Variants in ENKUR observed in about 807,000 individuals in gnomAD.
ENKUR encodes enkurin.
ENKUR carries 19 observed loss-of-function variants against 27.6 expected under a neutral mutation model. The observed-to-expected ratio is 0.69, with a 90% CI of 0.48 to 1.01. The LOEUF is 1.01. Ranked by LOEUF, ENKUR falls within the 50% of genes least tolerant of loss-of-function variation. ENKUR has a pLI of 0.00. For missense variants in ENKUR, 312 were observed against 310.5 expected (o/e 1.00, Z -0.04); for synonymous variants, 117 against 96.9 (o/e 1.21, Z -1.22).
At chr10:25,018,666 T>TG (rs1362571035), upstream of ENKUR, among the ~76,000 whole-genome samples, 1 of 151,150 alleles carries the variant, frequency 6.6e-6, no homozygotes, top group Admixed American at 6.6e-5. Context: ...GTTGTTTTTT[T>TG]TTTTTTTTTT....
intron 2 of ENKUR, among the ~76,000 whole-genome samples, chr10:25,059,847 G>T (rs971197190): frequency 6.6e-6 from 1 of 152,134 alleles, no homozygotes; most frequent in Non-Finnish European, 1.5e-5. Context: ...AAGAAGGAAA[G>T]AAATTACATT....
Position 24,999,390 on chromosome 10 carries a change from A to G in ENKUR, c.223+11T>C, listed in dbSNP as rs1382354392. ...CTTTTAATATTAAAAATAAAGCATG[A>G]TAAAACCTACTGGGTGGTAGAGTTT... On this transcript the variant is annotated intron_variant, in intron 2 of 5. Coordinates refer to ENST00000331161, the MANE Select transcript of ENKUR (RefSeq NM_145010.4). 4.4e-6 allele frequency: 7 copies of G among 1,590,044 alleles called. 1 individual carries two copies. In the Middle Eastern group the frequency reaches 6.7e-4, roughly 153 times the overall value.
Position 24,984,909 on chromosome 10 carries a change from C to A in ENKUR, c.595-4G>T, listed in dbSNP as rs1849749202. The A allele has an allele frequency of 3.1e-6, 5 of 1,609,136 alleles. No homozygotes were observed. The Middle Eastern group carries it at 5.0e-4, about 160-fold the overall frequency. ...CTTCCCAGTTCTTTTTCAGCCCCTG[C>A]AAATGGTCAAGAAACTTGTAAATAC... On this transcript the variant is annotated splice_region_variant and splice_polypyrimidine_tract_variant and intron_variant, in intron 4 of 5. Coordinates refer to ENST00000331161, the MANE Select transcript of ENKUR (RefSeq NM_145010.4).
intron 2 of ENKUR, among the ~76,000 whole-genome samples, chr10:25,059,630 C>CA (rs987970577): frequency 6.6e-6 from 1 of 152,038 alleles, no homozygotes; most frequent in African/African-American, 2.4e-5. Context: ...GGGCACCCCC[C>CA]AAAAAATGCT....
At chr10:24,995,569 A>T in intron 3 of ENKUR, 77 bp downstream of exon 3, 1 of 1,261,282 alleles carries the variant, frequency 7.9e-7, no homozygotes, top group Non-Finnish European at 1.1e-6. Context: ...TAATAATGAT[A>T]ACATAGATGA....
At position 24,995,687 on chromosome 10, in the gene ENKUR, G is replaced by C; in HGVS notation, c.406C>G (p.Leu136Val). 1 of 1,613,990 alleles carries C rather than the reference G, an allele frequency of 6.2e-7. No homozygotes were observed. The highest frequency in any genetic ancestry group is 8.5e-7 in the Non-Finnish European group (1 of 1,179,982). The change falls in exon 3 of 6, where the codon CTT becomes GTT. Residue 136 changes from leucine to valine, a missense_variant. Coordinates refer to ENST00000331161, the MANE Select transcript of ENKUR (RefSeq NM_145010.4). ...TTTGGAACTAGTCCTGAAGGCTCAA[G>C]ATCATGCTTGTCTCCAGTTCTTTTA... ...VDKRTGDKHD[L>V]EPSGLVPKYI...
At chr10:24,987,594 T>C in intron 4 of ENKUR, among the ~76,000 whole-genome samples, 1 of 152,092 alleles carries the variant, frequency 6.6e-6, no homozygotes, top group Non-Finnish European at 1.5e-5. Flanking sequence ...CTCAAATAAA[T>C]ACATAAAATA....
chr10:24,986,797 G>T lies in ENKUR; in HGVS notation c.595-1892C>A, dbSNP rs115874416. Among the ~76,000 whole-genome samples the T allele has an allele frequency of 9.2e-3, 1,407 of 152,220 alleles. 23 individuals carry two copies. The highest frequency in any genetic ancestry group is 0.031 in the African/African-American group (1,303 of 41,530). ...TTCATATTATATTGAAATACGCTACGTGCTGACTTTAAGAGGTTTTTTCAT... is the reference window on the plus strand; with the variant it reads ...TTCATATTATATTGAAATACGCTACTTGCTGACTTTAAGAGGTTTTTTCAT... On this transcript the variant is annotated intron_variant, in intron 4 of 5. Transcript: ENST00000331161.
chr10:24,989,343 G>A (rs1295963755), intron 4 of ENKUR, among the ~76,000 whole-genome samples: 2 of 152,140 alleles, frequency 1.3e-5, no homozygotes, highest in African/African-American at 4.8e-5. Context: ...ACTGTGCTAG[G>A]CACTGGGGAT....
chr10:25,019,853 A>G (rs1850682717), upstream of ENKUR, among the ~76,000 whole-genome samples: 1 of 152,194 alleles, frequency 6.6e-6, no homozygotes, highest in African/African-American at 2.4e-5. Flanking sequence ...TCATTCAACA[A>G]TATCCTCAAA....
chr10:24,984,465 A>G lies in ENKUR; in HGVS notation c.765-89T>C. The G allele has an allele frequency of 5.0e-6, 7 of 1,396,652 alleles. No individual in the cohort carries two copies. In the South Asian group the frequency reaches 9.2e-5, roughly 18 times the overall value. 86.5% of individuals were successfully genotyped at this position (1,396,652 alleles called of 1,614,324 possible). Reference sequence around the variant, plus strand: ...ATTAATGTTTATGTGAAACAAGTACATAATAATAATGAATTACATTGTGGA... The same window carrying G: ...ATTAATGTTTATGTGAAACAAGTACGTAATAATAATGAATTACATTGTGGA... On this transcript the variant is annotated intron_variant, in intron 5 of 5. Coordinates refer to ENST00000331161, the MANE Select transcript of ENKUR (RefSeq NM_145010.4).
Position 25,009,669 on chromosome 10 carries a change from A to G in ENKUR, c.77+6191T>C, listed in dbSNP as rs75140602. ...AATCTCATCTTGAATTGTAGCTCCC[A>G]TAATTCCTATATATTGTGGGAGGGA... On this transcript the variant is annotated intron_variant, in intron 1 of 5. Transcript: ENST00000331161. Among the ~76,000 whole-genome samples, 1,431 of 152,282 alleles carry G rather than the reference A, an allele frequency of 9.4e-3. 22 individuals carry two copies. Among genetic ancestry groups the G allele is most frequent in the African/African-American group, 0.032 (1,343 of 41,554 alleles).
rs33953169 is a variant in ENKUR, at chr10:25,029,551, TA to T, written c.37+31560del. ...GTAATTCAGACTACGTAATGTTAGT[TA>T]AAAAAAAAATCATGAAGTAACTGTT... On this transcript the variant is annotated intron_variant, in intron 2 of 5. Transcript: ENST00000615958. Among the ~76,000 whole-genome samples the T allele has an allele frequency of 6.4e-3, 964 of 150,544 alleles. 8 individuals are homozygous for T. The highest frequency in any genetic ancestry group is 0.022 in the African/African-American group (912 of 40,926).
At chr10:25,053,218 A>G (rs1297637711) in intron 2 of ENKUR, among the ~76,000 whole-genome samples, 5 of 152,226 alleles carry the variant, frequency 3.3e-5, no homozygotes, top group Admixed American at 6.5e-5. Flanking sequence ...TGACATTACA[A>G]TATGTGTATA....
chr10:25,047,836 T>C, intron 2 of ENKUR, among the ~76,000 whole-genome samples: 1 of 152,230 alleles, frequency 6.6e-6, no homozygotes, highest in East Asian at 1.9e-4. Context: ...GCAGTTTTCC[T>C]AAAATACATA....
intron 2 of ENKUR, chr10:25,023,533 C>T (rs1850768101): frequency 2.5e-6 from 4 of 1,613,970 alleles, no homozygotes; most frequent in Non-Finnish European, 3.4e-6. Context: ...TGAAAAATTA[C>T]AGGATGTTGG....
chr10:25,024,063 G>C, intron 2 of ENKUR: 1 of 1,614,172 alleles, frequency 6.2e-7, no homozygotes, highest in Non-Finnish European at 8.5e-7. Flanking sequence ...GCGGGGAGTG[G>C]AAAAGCCTAG....
chr10:25,042,469 ATT>A (rs1327159502), intron 2 of ENKUR, among the ~76,000 whole-genome samples: 1 of 151,792 alleles, frequency 6.6e-6, no homozygotes, highest in Non-Finnish European at 1.5e-5. Flanking sequence ...TAAATTTTGT[ATT>A]TTTAGGAGAG....
intron 2 of ENKUR, chr10:25,025,164 A>C (rs771803546): frequency 8.7e-6 from 14 of 1,614,174 alleles, no homozygotes; most frequent in Non-Finnish European, 1.1e-5. Flanking sequence ...CTGTTGCAAA[A>C]GTGGTTGCAG....
Sources: allele counts gnomAD v4.1 joint callset (sites outside exome capture counted in the v4.1 genomes callset), GRCh38; gene constraint gnomAD v4.1.1; transcripts MANE v1.5; gene names NCBI Gene and HGNC (gene_info 2026-07-23, HGNC 2026-07-21).